Variants in REPS2 observed in about 807,000 individuals in gnomAD.
The protein encoded by REPS2 is RALBP1 associated Eps domain containing 2, also known as ralBP1-associated Eps domain-containing protein 2.
REPS2 carries 23 observed loss-of-function variants against 53.6 expected under a neutral mutation model. That is an observed-to-expected ratio of 0.43 (90% CI 0.31 to 0.61). The LOEUF is 0.61. Ranked by LOEUF, REPS2 falls within the 20% of genes least tolerant of loss-of-function variation. The pLI, the probability that REPS2 is intolerant of heterozygous loss-of-function variation, is 0.11. For synonymous variants in REPS2, 238 were observed against 218.6 expected, an observed-to-expected ratio of 1.09 and a Z score of -0.78; for missense variants, 446 against 534.9, an observed-to-expected ratio of 0.83 and a Z score of 1.64.
intron 5 of REPS2, among the ~76,000 whole-genome samples, chrX:17,039,115 CAG>C (rs1307032653): frequency 1.8e-5 from 2 of 111,887 alleles, no homozygotes; most frequent in African/African-American, 6.5e-5. Flanking sequence ...CCAGCAAGGA[CAG>C]GGGTGGGAAC....
chrX:17,176,829 T>A, the REPS2 span, among the ~76,000 whole-genome samples: 1 of 111,789 alleles, frequency 8.9e-6, no homozygotes, highest in Admixed American at 9.4e-5. Flanking sequence ...CTGCTGGCCC[T>A]TCAGAGGCAG....
At chrX:17,159,834 C>T in the REPS2 span, among the ~76,000 whole-genome samples, 1 of 111,859 alleles carries the variant, frequency 8.9e-6, no homozygotes, top group Non-Finnish European at 1.9e-5. Flanking sequence ...AACAAGTTGG[C>T]CAAATTGACC....
intron 14 of REPS2, among the ~76,000 whole-genome samples, chrX:17,118,705 C>T (rs768305178): frequency 2.7e-5 from 3 of 112,029 alleles, no homozygotes; most frequent in Non-Finnish European, 5.6e-5. Flanking sequence ...TAAATTTCTA[C>T]ACTCTGTGCC....
At position 17,001,067 on chromosome X, in the gene REPS2, G is replaced by A. The variant is rs143983812; in HGVS notation, c.274-5154G>A. 6.4e-4 allele frequency among the ~76,000 whole-genome samples: 72 copies of A among 112,078 alleles called. 1 individual carries two copies. In the East Asian group the frequency reaches 0.016, roughly 25 times the overall value. On this transcript the variant is annotated intron_variant, in intron 1 of 17. Transcript: ENST00000357277. Reference sequence around the variant, plus strand: ...GAAGGTTTATTTGTGTATAAACTGAGTGTAATGACACCTATCTCATGGAAA... The same window carrying A: ...GAAGGTTTATTTGTGTATAAACTGAATGTAATGACACCTATCTCATGGAAA...
chrX:17,019,927 G>T (rs930586229), intron 2 of REPS2, among the ~76,000 whole-genome samples: 2 of 112,422 alleles, frequency 1.8e-5, no homozygotes, highest in African/African-American at 6.5e-5. Flanking sequence ...GCACCTTCAT[G>T]AAAGTTTTCC....
At chrX:17,044,886 CTGTT>C (rs1369491303) in intron 5 of REPS2, among the ~76,000 whole-genome samples, 4 of 111,677 alleles carry the variant, frequency 3.6e-5, no homozygotes, top group African/African-American at 1.3e-4. Context: ...GTTGTGTGGT[CTGTT>C]TGGTTGTTTA....
chrX:16,969,370 C>T (rs2060843561), intron 1 of REPS2, among the ~76,000 whole-genome samples: 1 of 111,591 alleles, frequency 9.0e-6, no homozygotes, highest in African/African-American at 3.3e-5. Context: ...GAGGCCAAGG[C>T]AGGCTGCTGG....
At chrX:17,027,751 A>T (rs1298823495) in intron 4 of REPS2, among the ~76,000 whole-genome samples, 2 of 105,621 alleles carry the variant, frequency 1.9e-5, no homozygotes, top group Admixed American at 2.1e-4. Context: ...GGATCAAAGA[A>T]TTATTTGTTT....
intron 5 of REPS2, chrX:17,044,457 C>G (rs1220519685): frequency 8.5e-6 from 1 of 117,740 alleles, no homozygotes; most frequent in Non-Finnish European, 1.8e-5. Context: ...ACTCTGGGCT[C>G]CTTTTTGACC....
At chrX:17,073,241 A>G (rs1393329539) in intron 11 of REPS2, among the ~76,000 whole-genome samples, 1 of 112,540 alleles carries the variant, frequency 8.9e-6, no homozygotes, top group Non-Finnish European at 1.9e-5. Context: ...CAAAGAAATT[A>G]CATTCTTCTT....
intron 1 of REPS2, among the ~76,000 whole-genome samples, chrX:16,953,293 T>A (rs1025248477): frequency 8.9e-6 from 1 of 111,870 alleles, no homozygotes; most frequent in African/African-American, 3.3e-5. Context: ...TGCATAATAG[T>A]TACTTGTTGA....
chrX:16,975,914 AAATTT>A (rs1454254336), intron 1 of REPS2, among the ~76,000 whole-genome samples: 1 of 112,390 alleles, frequency 8.9e-6, no homozygotes, highest in Non-Finnish European at 1.9e-5. Flanking sequence ...TTTCTTTAAA[AAATTT>A]AATTTAAAGT....
chrX:17,099,989 T>A lies in REPS2; in HGVS notation c.1517-3729T>A, dbSNP rs183472165. On this transcript the variant is annotated intron_variant, in intron 13 of 17. Coordinates refer to ENST00000357277, the MANE Select transcript of REPS2 (RefSeq NM_004726.3). ...CCGGCTCCAAACCCTGAGCAAAGCC[T>A]CGTGGCTTTTCTGACTCTTCTTTCT... is the stretch of plus-strand genomic sequence containing the variant. The A allele has an allele frequency of 7.3e-5, 84 of 1,145,492 alleles. No individual in the cohort carries two copies. In the East Asian group the frequency reaches 2.1e-3, roughly 29 times the overall value. 94.4% of individuals were successfully genotyped at this position (1,145,492 alleles called of 1,213,427 possible).
chrX:17,119,254 G>C (rs1205100841), intron 14 of REPS2, among the ~76,000 whole-genome samples: 1 of 112,408 alleles, frequency 8.9e-6, no homozygotes, highest in Non-Finnish European at 1.9e-5. Context: ...CTACTATGCT[G>C]TGCTGTGAAA....
At chrX:17,002,211 A>AGGAG (rs2061316111) in intron 1 of REPS2, among the ~76,000 whole-genome samples, 1 of 110,727 alleles carries the variant, frequency 9.0e-6, no homozygotes, top group South Asian at 3.9e-4. Flanking sequence ...ATGGGAGGGA[A>AGGAG]GGAGGGAGGG....
At chrX:17,190,158 A>T in the REPS2 span, among the ~76,000 whole-genome samples, 1 of 111,478 alleles carries the variant, frequency 9.0e-6, no homozygotes, top group Non-Finnish European at 1.9e-5. Flanking sequence ...CCTTAACACG[A>T]ATATATAAAA....
intron 5 of REPS2, among the ~76,000 whole-genome samples, chrX:17,029,927 CTT>C (rs1260521005): frequency 8.9e-6 from 1 of 112,038 alleles, no homozygotes; most frequent in East Asian, 2.8e-4. Context: ...GAGAGCTTCA[CTT>C]TTTCTAAAGC....
the REPS2 span, among the ~76,000 whole-genome samples, chrX:17,174,283 C>T: frequency 0.026 from 2,913 of 111,887 alleles, 99 homozygotes; most frequent in African/African-American, 0.09. Flanking sequence ...TACACTACCT[C>T]GCGTACATCA....
chrX:16,997,882 T>G lies in REPS2; in HGVS notation c.274-8339T>G, dbSNP rs141401221. Reference sequence around the variant, plus strand: ...TAGAATTTCTTTGAATTCTCATCTTTAAGAACCATGCTCAGCTGGGCACAG... The same window carrying G: ...TAGAATTTCTTTGAATTCTCATCTTGAAGAACCATGCTCAGCTGGGCACAG... On this transcript the variant is annotated intron_variant, in intron 1 of 17. Transcript: ENST00000357277. Among the ~76,000 whole-genome samples, 700 of 111,823 alleles carry G rather than the reference T, an allele frequency of 6.3e-3. 2 individuals are homozygous for G. The highest frequency in any genetic ancestry group is 9.7e-3 in the South Asian group (26 of 2,674).
Sources: allele counts gnomAD v4.1 joint callset (sites outside exome capture counted in the v4.1 genomes callset), GRCh38; gene constraint gnomAD v4.1.1; transcripts MANE v1.5; gene names NCBI Gene and HGNC (gene_info 2026-07-23, HGNC 2026-07-21).